Variants in RARB observed in about 807,000 individuals in gnomAD.
RARB encodes retinoic acid receptor beta, also known as HBV-activated protein.
In RARB, 17 loss-of-function variants were observed where a neutral mutation model predicts 51.9. That is an observed-to-expected ratio of 0.33 (90% CI 0.22 to 0.49). The LOEUF is 0.49. RARB is among the 20% of genes least tolerant of loss of function. The pLI is 0.99. For synonymous variants in RARB, 215 were observed against 195.4 expected (o/e 1.10, Z -0.84); for missense variants, 369 against 550.8 (o/e 0.67, Z 3.30).
chr3:25,538,573 C>T (rs911981909), intron 3 of RARB, among the ~76,000 whole-genome samples: 2 of 152,168 alleles, frequency 1.3e-5, no homozygotes, highest in South Asian at 2.1e-4. Flanking sequence ...TAGGGCCTGA[C>T]GTGGAGAGTA....
chr3:25,180,188 C>A (rs933928669), intron 5 of RARB, among the ~76,000 whole-genome samples: 1 of 152,078 alleles, frequency 6.6e-6, no homozygotes, highest in Non-Finnish European at 1.5e-5. Context: ...TGCCAATCAC[C>A]TTTTTCCTAG....
At chr3:25,244,502 G>T (rs368071303) in intron 5 of RARB, among the ~76,000 whole-genome samples, 5 of 152,022 alleles carry the variant, frequency 3.3e-5, no homozygotes, top group African/African-American at 1.2e-4. Flanking sequence ...AGAGATTCTT[G>T]TACATTGTGT....
chr3:25,019,509 C>A (rs972990401), intron 2 of RARB, among the ~76,000 whole-genome samples: 1 of 151,648 alleles, frequency 6.6e-6, no homozygotes, highest in Non-Finnish European at 1.5e-5. Flanking sequence ...GGGTTTATAA[C>A]CTTCTAAAAA....
chr3:25,333,652 G>T (rs181247219), intron 5 of RARB, among the ~76,000 whole-genome samples: 14 of 152,240 alleles, frequency 9.2e-5, no homozygotes, highest in South Asian at 6.2e-4. Flanking sequence ...AAAAGCAATG[G>T]CAACAAAAGC....
intron 2 of RARB, among the ~76,000 whole-genome samples, chr3:25,014,843 G>A (rs1477269246): frequency 1.3e-5 from 2 of 151,544 alleles, no homozygotes; most frequent in African/African-American, 4.8e-5. Flanking sequence ...GAATAATTAG[G>A]CAGAAAAAAA....
chr3:25,201,905 GTTTC>G (rs142233192), intron 5 of RARB, among the ~76,000 whole-genome samples: 75,864 of 151,258 alleles, frequency 0.5, 19,587 homozygotes, highest in African/African-American at 0.62. Context: ...TTTTTGTTGT[GTTTC>G]TTTCTGCCAG....
At chr3:25,319,417 C>CT (rs1398467788) in intron 5 of RARB, among the ~76,000 whole-genome samples, 2 of 152,166 alleles carry the variant, frequency 1.3e-5, no homozygotes, top group African/African-American at 4.8e-5. Context: ...GGTGAGGGGG[C>CT]TTTGAGTATT....
At chr3:25,545,560 G>A (rs1559460819) in intron 3 of RARB, among the ~76,000 whole-genome samples, 1 of 152,090 alleles carries the variant, frequency 6.6e-6, no homozygotes, top group Non-Finnish European at 1.5e-5. Context: ...CATTCCCTCC[G>A]TGCCCCTGTG....
intron 2 of RARB, among the ~76,000 whole-genome samples, chr3:24,912,687 A>C (rs1406212944): frequency 6.6e-6 from 1 of 152,196 alleles, no homozygotes; most frequent in Non-Finnish European, 1.5e-5. Context: ...GGGAAGAGAA[A>C]AATCTTTCTA....
At chr3:25,016,656 C>T (rs1204096754) in intron 2 of RARB, among the ~76,000 whole-genome samples, 7 of 152,252 alleles carry the variant, frequency 4.6e-5, no homozygotes, top group East Asian at 1.9e-4. Flanking sequence ...TCTGGGGGAA[C>T]GTAATTTCCA....
chr3:25,419,874 A>T (rs1056578096), intron 5 of RARB, among the ~76,000 whole-genome samples: 2 of 152,098 alleles, frequency 1.3e-5, no homozygotes, highest in Non-Finnish European at 2.9e-5. Flanking sequence ...ATCTTTGCTT[A>T]TCTTTTTTTG....
exon 5 of RARB, chr3:25,174,171 C>T (rs540643925): frequency 1.4e-4 from 35 of 251,110 alleles, no homozygotes; most frequent in Non-Finnish European, 2.5e-4. Context: ...TCTTAAACTG[C>T]GAAGCTGAAC....
chr3:25,097,146 A>G (rs1699310939), intron 3 of RARB, among the ~76,000 whole-genome samples: 1 of 152,156 alleles, frequency 6.6e-6, no homozygotes, highest in Non-Finnish European at 1.5e-5. Flanking sequence ...TCTACCCTTC[A>G]TGTTGCCATA....
intron 2 of RARB, among the ~76,000 whole-genome samples, chr3:25,007,971 A>G (rs996089312): frequency 6.6e-5 from 10 of 152,120 alleles, no homozygotes; most frequent in South Asian, 2.1e-4. Context: ...CTGACTCACA[A>G]GGTGGTTGTG....
At chr3:25,256,187 G>A (rs561842612) in intron 5 of RARB, among the ~76,000 whole-genome samples, 16 of 152,144 alleles carry the variant, frequency 1.1e-4, no homozygotes, top group East Asian at 7.7e-4. Context: ...TTGTATACTC[G>A]TCATTGCACT....
At chr3:24,935,224 G>T (rs1169524742) in intron 2 of RARB, among the ~76,000 whole-genome samples, 1 of 152,016 alleles carries the variant, frequency 6.6e-6, no homozygotes. Flanking sequence ...TTACGTTTAG[G>T]TATAGAACAA....
rs139523742 is a variant in RARB at position 25,238,585 on chromosome 3, C to T, written c.178+64010C>T. Among the ~76,000 whole-genome samples the T allele has an allele frequency of 2.0e-3, 309 of 152,238 alleles. 1 individual carries two copies. Among genetic ancestry groups the T allele is most frequent in the Admixed American group, 5.0e-3 (77 of 15,300 alleles). ...TTTAGTTTTTTGAAAAATTGCCATA[C>T]ACATTTGCATAGTAGCTGCACTACT... On this transcript the variant is annotated intron_variant, in intron 5 of 11. Coordinates refer to the RARB transcript ENST00000383772.
rs78578106 is a variant in RARB at position 25,453,002 on chromosome 3, T to C, written c.158-8191T>C. ...AGCATAAACACACACAGCCTGAAGA[T>C]CTTAATGCATTAAGTACTTAACAAG... On this transcript the variant is annotated intron_variant, in intron 1 of 7. Transcript: ENST00000330688. Among the ~76,000 whole-genome samples, 629 of 152,288 alleles carry C rather than the reference T, an allele frequency of 4.1e-3. 3 individuals carry two copies. Among genetic ancestry groups the C allele is most frequent in the African/African-American group, 0.015 (607 of 41,544 alleles).
At chr3:25,094,409 T>C (rs1699256040) in intron 3 of RARB, among the ~76,000 whole-genome samples, 1 of 152,064 alleles carries the variant, frequency 6.6e-6, no homozygotes, top group African/African-American at 2.4e-5. Flanking sequence ...GGTAATATCA[T>C]TCTCATTTTA....
Sources: allele counts gnomAD v4.1 joint callset (sites outside exome capture counted in the v4.1 genomes callset), GRCh38; gene constraint gnomAD v4.1.1; transcripts MANE v1.5; gene names NCBI Gene and HGNC (gene_info 2026-07-23, HGNC 2026-07-21).